SDK1: variants seen among roughly 807,000 people sequenced by gnomAD.
SDK1 encodes the protein sidekick cell adhesion molecule 1.
In SDK1, 157 loss-of-function variants were observed where a neutral mutation model predicts 245.5. The observed-to-expected ratio is 0.64, with a 90% CI of 0.56 to 0.73. The LOEUF is 0.73. SDK1 is among the 30% of genes least tolerant of loss of function. The pLI is 0.00. For synonymous variants in SDK1, 1,647 were observed against 1,278.5 expected (o/e 1.29, Z -6.15); for missense variants, 3,583 against 3,002.3 (o/e 1.19, Z -4.52).
intron 1 of SDK1, among the ~76,000 whole-genome samples, chr7:3,515,638 C>G (rs1782722062): frequency 6.6e-6 from 1 of 152,106 alleles, no homozygotes; most frequent in Non-Finnish European, 1.5e-5. Context: ...GAACAAGTAA[C>G]TTTCGTGTTT....
At chr7:3,898,432 T>C (rs567410814) in intron 5 of SDK1, among the ~76,000 whole-genome samples, 2 of 152,354 alleles carry the variant, frequency 1.3e-5, no homozygotes, top group Non-Finnish European at 2.9e-5. Flanking sequence ...TTTTAAACTT[T>C]ACAGTGATAT....
intron 4 of SDK1, among the ~76,000 whole-genome samples, chr7:3,716,683 C>CA (rs1326132315): frequency 6.6e-6 from 1 of 150,994 alleles, no homozygotes; most frequent in Non-Finnish European, 1.5e-5. Flanking sequence ...TGCTTGAGCC[C>CA]AGGAGGTCAG....
intron 1 of SDK1, among the ~76,000 whole-genome samples, chr7:3,501,392 G>C (rs1043467102): frequency 2.0e-5 from 3 of 148,292 alleles, no homozygotes; most frequent in African/African-American, 7.5e-5. Context: ...AAAAAAAACT[G>C]ATCAGGACAG....
chr7:3,908,812 T>G (rs1380541374), intron 5 of SDK1, among the ~76,000 whole-genome samples: 2 of 151,738 alleles, frequency 1.3e-5, no homozygotes, highest in Non-Finnish European at 2.9e-5. Flanking sequence ...TTGGGGGGAC[T>G]TAGGAGGAAA....
chr7:3,619,696 T>A (rs1463652850), intron 2 of SDK1, among the ~76,000 whole-genome samples: 1 of 152,166 alleles, frequency 6.6e-6, no homozygotes, highest in African/African-American at 2.4e-5. Context: ...GATGGAATCA[T>A]GGAGAATGGG....
chr7:3,452,501 TATG>T (rs1207887997), intron 1 of SDK1, among the ~76,000 whole-genome samples: 9 of 152,222 alleles, frequency 5.9e-5, no homozygotes, highest in Non-Finnish European at 1.0e-4. Context: ...GCAAGAAAGT[TATG>T]ATGAACATGC....
chr7:3,338,250 C>G (rs912112855), intron 1 of SDK1: 3 of 356,436 alleles, frequency 8.4e-6, no homozygotes, highest in South Asian at 8.0e-5. Context: ...TTGGAGACAT[C>G]AAGGGAATGG....
At chr7:3,325,480 G>A (rs1399730074) in intron 1 of SDK1, among the ~76,000 whole-genome samples, 1 of 152,010 alleles carries the variant, frequency 6.6e-6, no homozygotes, top group Non-Finnish European at 1.5e-5. Flanking sequence ...GAATTTAAGC[G>A]TGGCACTTAA....
intron 5 of SDK1, among the ~76,000 whole-genome samples, chr7:3,912,175 G>A (rs193138634): frequency 5.9e-5 from 9 of 152,294 alleles, no homozygotes; most frequent in East Asian, 1.9e-4. Flanking sequence ...CGTGATGAGC[G>A]CTGTGTTTTA....
intron 1 of SDK1, among the ~76,000 whole-genome samples, chr7:3,470,161 C>G (rs1781135632): frequency 6.6e-6 from 1 of 152,152 alleles, no homozygotes; most frequent in African/African-American, 2.4e-5. Context: ...TAGTTTGAAT[C>G]TACATACTAA....
At position 4,077,046 on chromosome 7, in the gene SDK1, C is replaced by G. The variant is rs61586368; in HGVS notation, c.3059C>G (p.Thr1020Arg). Residue 1020 changes from threonine to arginine, a missense_variant, in exon 21 of 45, where the codon ACG becomes AGG. Transcript: ENST00000404826. ...TACGGCAGGAACGACTCTCGTCTCA[C>G]GCACACCCTGAACAGCACGACGCAC... ...EVYGRNDSRLTHTLNSTTHEY... is the reference protein window; with the variant it reads ...EVYGRNDSRLRHTLNSTTHEY... 16 of 1,614,192 alleles carry G rather than the reference C, an allele frequency of 9.9e-6. No individual in the cohort carries two copies. The highest frequency in any genetic ancestry group is 1.4e-5 in the Non-Finnish European group (16 of 1,180,034).
rs1378639720 is a variant in SDK1, at chr7:4,012,231, C to T, written c.2416C>T (p.Leu806Phe). 12 of 1,506,480 alleles carry T rather than the reference C, an allele frequency of 8.0e-6. No individual in the cohort carries two copies. In the African/African-American group the frequency reaches 1.7e-4, roughly 22 times the overall value. The allele number at this position is 1,506,480 out of a possible 1,614,324, so 93.3% of individuals were successfully genotyped here. Reference protein sequence around the residue: ...EHNGVLRGYILRYRLAGLPGE... With the variant: ...EHNGVLRGYIFRYRLAGLPGE... ...CAACGGGGTGTTGCGTGGATACATC[C>T]TCAGGCAAGTGCCCTGTGATTGGCC... Residue 806 changes from leucine (L) to phenylalanine (F), a missense_variant, in exon 16 of 45, where the codon CTC becomes TTC. Coordinates refer to ENST00000404826, the MANE Select transcript of SDK1 (RefSeq NM_152744.4).
At chr7:3,630,247 A>C (rs948544134) in intron 2 of SDK1, among the ~76,000 whole-genome samples, 7 of 152,214 alleles carry the variant, frequency 4.6e-5, no homozygotes, top group South Asian at 2.1e-4. Context: ...CAATTACTGG[A>C]GTTACCAGCC....
intron 1 of SDK1, among the ~76,000 whole-genome samples, chr7:3,478,208 A>G (rs552125470): frequency 6.6e-6 from 1 of 152,016 alleles, no homozygotes; most frequent in African/African-American, 2.4e-5. Flanking sequence ...CCTCCCCTTT[A>G]TTCTTTGGGA....
intron 44 of SDK1, among the ~76,000 whole-genome samples, chr7:4,247,334 C>T (rs12701504): frequency 4.6e-5 from 7 of 152,166 alleles, no homozygotes; most frequent in African/African-American, 7.2e-5. Context: ...CAGAGGATGC[C>T]GGGTTTGCTG....
intron 4 of SDK1, among the ~76,000 whole-genome samples, chr7:3,642,335 C>T (rs1257989269): frequency 2.0e-5 from 3 of 152,204 alleles, no homozygotes; most frequent in Non-Finnish European, 4.4e-5. Context: ...GTTGCATGCC[C>T]TAAAACTAAA....
intron 44 of SDK1, among the ~76,000 whole-genome samples, chr7:4,258,567 A>G (rs1234962327): frequency 6.6e-6 from 1 of 152,134 alleles, no homozygotes; most frequent in African/African-American, 2.4e-5. Flanking sequence ...AAAGGACTTT[A>G]TTTCTGCCAC....
intron 1 of SDK1, among the ~76,000 whole-genome samples, chr7:3,525,135 A>C (rs756512834): frequency 6.6e-6 from 1 of 152,132 alleles, no homozygotes; most frequent in African/African-American, 2.4e-5. Context: ...TGCATGGGTT[A>C]TTTGTAAATA....
rs187913045 is a variant in SDK1, at chr7:3,875,454, C to T, written c.847+53871C>T. Among the ~76,000 whole-genome samples the T allele has an allele frequency of 2.3e-3, 347 of 152,320 alleles. 6 individuals are homozygous for T. The South Asian group carries it at 0.029, about 13-fold the overall frequency. The stretch of plus-strand genomic sequence containing the variant: ...GATAATCCCCAGATCACAAATTAAA[C>T]TGTTTAGTCCCACATAGAGGAAAGG... On this transcript the variant is annotated intron_variant, in intron 5 of 44. Transcript: ENST00000404826.
Sources: allele counts gnomAD v4.1 joint callset (sites outside exome capture counted in the v4.1 genomes callset), GRCh38; gene constraint gnomAD v4.1.1; transcripts MANE v1.5; gene names NCBI Gene and HGNC (gene_info 2026-07-23, HGNC 2026-07-21).